Variants in CSMD1 observed in about 807,000 individuals in gnomAD.
The protein encoded by CSMD1 is CUB and Sushi multiple domains 1.
A neutral mutation model predicts 417.5 loss-of-function variants in CSMD1; 213 were observed. The observed-to-expected ratio is 0.51, with a 90% CI of 0.46 to 0.57. The LOEUF is 0.57. Among genes scored for constraint, CSMD1 ranks in the 20% least tolerant of loss-of-function variants. CSMD1 has a pLI of 0.00. For missense variants in CSMD1, 6,923 were observed against 4,529.7 expected (o/e 1.53, Z -15.17); for synonymous variants, 2,862 against 1,736.8 (o/e 1.65, Z -16.11).
chr8:4,080,152 T>G (rs1007194903), intron 3 of CSMD1, among the ~76,000 whole-genome samples: 3 of 152,084 alleles, frequency 2.0e-5, no homozygotes, highest in Non-Finnish European at 4.4e-5. Flanking sequence ...AGTTTGCAAT[T>G]TACAAGCCAT....
At position 3,599,141 on chromosome 8, in the gene CSMD1, GTGTGTGTGTCTGTGTGTGTGTC is replaced by G. The variant is rs1324991983; in HGVS notation, c.1098-12903_1098-12882del. On this transcript the variant is annotated intron_variant, in intron 8 of 69. Transcript: ENST00000635120. ...TGCTTACTGCTGTGTGTGTGTGTGTGTGTGTGTGTCTGTGTGTGTGTCTGTGTGTGTGTGTGTGTGAGATGAG... is the reference window on the plus strand; with the variant it reads ...TGCTTACTGCTGTGTGTGTGTGTGTGTGTGTGTGTGTGTGTGTGAGATGAG... 1.2e-3 allele frequency among the ~76,000 whole-genome samples: 177 copies of G among 142,236 alleles called. 2 individuals are homozygous for G. The highest frequency in any genetic ancestry group is 5.2e-3 in the African/African-American group (175 of 33,744). 93.3% of individuals were successfully genotyped at this position (142,236 alleles called of 152,430 possible).
chr8:3,343,463 C>T lies in CSMD1; in HGVS notation c.3475-13G>A, dbSNP rs201710920. 6.2e-7 allele frequency: 1 copy of T among 1,610,008 alleles called. No homozygotes were observed. The highest frequency in any genetic ancestry group is 1.7e-5 in the Admixed American group (1 of 59,728). On this transcript the variant is annotated splice_polypyrimidine_tract_variant and intron_variant, in intron 22 of 69. Coordinates refer to ENST00000635120, the MANE Select transcript of CSMD1 (RefSeq NM_033225.6). ...TTCCATCATATACCTGATGAAAATT[C>T]ACAGCATGAGTCCCTCTATGCCTTC...
intron 5 of CSMD1, among the ~76,000 whole-genome samples, chr8:3,912,032 G>A (rs903224036): frequency 6.6e-6 from 1 of 152,112 alleles, no homozygotes; most frequent in Non-Finnish European, 1.5e-5. Context: ...GACACATATG[G>A]AGTATATTTT....
intron 5 of CSMD1, among the ~76,000 whole-genome samples, chr8:3,942,546 C>T (rs1433661861): frequency 6.6e-6 from 1 of 152,092 alleles, no homozygotes; most frequent in Non-Finnish European, 1.5e-5. Flanking sequence ...TGCATGAGGA[C>T]TGAAAATGTG....
At chr8:4,111,573 G>A (rs887310522) in intron 3 of CSMD1, among the ~76,000 whole-genome samples, 3 of 152,152 alleles carry the variant, frequency 2.0e-5, no homozygotes, top group Non-Finnish European at 2.9e-5. Flanking sequence ...CATACACCAT[G>A]GAATACTATG....
Position 3,620,852 on chromosome 8 carries a change from C to T in CSMD1, c.1010-4055G>A, listed in dbSNP as rs545918894. Among the ~76,000 whole-genome samples, 5 of 152,234 alleles carry T rather than the reference C, an allele frequency of 3.3e-5. No homozygotes were observed. The South Asian group carries it at 1.0e-3, about 32-fold the overall frequency. ...ATTTTAAATATAAATTGATTTAACGCCCTGTTTTAGGCTGAATTATGTCCC... is the reference window on the plus strand; with the variant it reads ...ATTTTAAATATAAATTGATTTAACGTCCTGTTTTAGGCTGAATTATGTCCC... On this transcript the variant is annotated intron_variant, in intron 7 of 69. Coordinates refer to ENST00000635120, the MANE Select transcript of CSMD1 (RefSeq NM_033225.6).
intron 3 of CSMD1, among the ~76,000 whole-genome samples, chr8:4,190,320 T>C (rs556926343): frequency 4.0e-4 from 60 of 149,168 alleles, no homozygotes; most frequent in African/African-American, 1.4e-3. Flanking sequence ...ATCTAAGCCC[T>C]ATCACTGAAG....
chr8:3,717,318 G>C (rs1801894687), intron 6 of CSMD1, among the ~76,000 whole-genome samples: 1 of 152,094 alleles, frequency 6.6e-6, no homozygotes, highest in Non-Finnish European at 1.5e-5. Context: ...GAACTTGTAT[G>C]TCAGTTGTTT....
At chr8:3,868,714 G>A (rs1585115676) in intron 5 of CSMD1, among the ~76,000 whole-genome samples, 2 of 152,060 alleles carry the variant, frequency 1.3e-5, no homozygotes, top group Non-Finnish European at 2.9e-5. Context: ...TAAAAGCCTT[G>A]GGGGCACTCC....
At chr8:4,417,460 C>T (rs1288361476) in intron 3 of CSMD1, among the ~76,000 whole-genome samples, 1 of 151,956 alleles carries the variant, frequency 6.6e-6, no homozygotes, top group African/African-American at 2.4e-5. Context: ...CAATACATTT[C>T]AATTAAAATT....
At chr8:3,396,042 A>G (rs764809239) in intron 17 of CSMD1, among the ~76,000 whole-genome samples, 152 bp downstream of exon 17, 8 of 152,206 alleles carry the variant, frequency 5.3e-5, no homozygotes, top group Non-Finnish European at 7.3e-5. Flanking sequence ...TGAATAACAG[A>G]AAGTTCTTAC....
intron 1 of CSMD1, among the ~76,000 whole-genome samples, chr8:4,776,687 C>G (rs1240993604): frequency 6.6e-6 from 1 of 152,174 alleles, no homozygotes; most frequent in East Asian, 1.9e-4. Context: ...CACAGGGAGA[C>G]AACCAGAACA....
chr8:4,591,890 G>C (rs949704089), intron 2 of CSMD1, among the ~76,000 whole-genome samples: 1 of 152,112 alleles, frequency 6.6e-6, no homozygotes. Context: ...TGGGGAGGCT[G>C]AAAGTTGGGC....
At chr8:3,388,984 C>G (rs1442941657) in intron 17 of CSMD1, among the ~76,000 whole-genome samples, 1 of 152,124 alleles carries the variant, frequency 6.6e-6, no homozygotes, top group Non-Finnish European at 1.5e-5. Context: ...CCAGGACACT[C>G]CCACAGATTT....
intron 5 of CSMD1, among the ~76,000 whole-genome samples, chr8:3,896,538 G>A (rs1463758055): frequency 2.0e-5 from 3 of 151,826 alleles, no homozygotes; most frequent in Non-Finnish European, 4.4e-5. Context: ...TTGAGACAGA[G>A]TCTCGCTCTG....
chr8:4,253,188 C>G (rs888827425), intron 3 of CSMD1, among the ~76,000 whole-genome samples: 1 of 152,098 alleles, frequency 6.6e-6, no homozygotes, highest in African/African-American at 2.4e-5. Context: ...GTCTATTCTC[C>G]TCTTCTACGA....
chr8:3,501,238 A>G (rs1796587216), intron 10 of CSMD1, among the ~76,000 whole-genome samples: 1 of 152,274 alleles, frequency 6.6e-6, no homozygotes, highest in South Asian at 2.1e-4. Flanking sequence ...ATGTGCATAC[A>G]CACATGCTCA....
At chr8:3,288,015 G>C (rs1021535221) in intron 25 of CSMD1, among the ~76,000 whole-genome samples, 1 of 147,276 alleles carries the variant, frequency 6.8e-6, no homozygotes, top group Non-Finnish European at 1.5e-5. Flanking sequence ...AGCATGAAAG[G>C]TTGTTGAATT....
At chr8:3,603,304 G>A (rs532230850) in intron 8 of CSMD1, among the ~76,000 whole-genome samples, 2 of 151,858 alleles carry the variant, frequency 1.3e-5, no homozygotes, top group South Asian at 4.2e-4. Flanking sequence ...TACAGGCATA[G>A]GAATATGTTA....
Sources: gnomAD v4.1 joint callset for allele counts (sites outside exome capture counted in the v4.1 genomes callset) on GRCh38, gnomAD v4.1.1 for gene constraint, MANE v1.5 for transcripts, NCBI Gene and HGNC (gene_info 2026-07-23, HGNC 2026-07-21) for gene names.